The following MARCHF3 variants were observed in gnomAD, a reference collection of about 807,000 sequenced individuals.
MARCHF3 encodes E3 ubiquitin-protein ligase MARCHF3.
A neutral mutation model predicts 24.2 loss-of-function variants in MARCHF3; 13 were observed. The observed-to-expected ratio is 0.54, with a 90% CI of 0.35 to 0.85. The LOEUF is 0.85. Among genes scored for constraint, MARCHF3 ranks in the 40% least tolerant of loss-of-function variants. The probability of loss-of-function intolerance (pLI) is 0.01; values close to 1 mark genes in which losing one functional copy is unlikely to be tolerated. For synonymous variants in MARCHF3, 144 were observed against 137.3 expected (o/e 1.05, Z -0.34); for missense variants, 276 against 325.0 (o/e 0.85, Z 1.16).
intron 3 of MARCHF3, among the ~76,000 whole-genome samples, chr5:126,908,490 TC>T (rs1421913748): frequency 2.6e-5 from 4 of 152,334 alleles, no homozygotes; most frequent in African/African-American, 9.6e-5. Flanking sequence ...TTTCACATAG[TC>T]CCATATTTCT....
chr5:126,907,531 T>C (rs1362849521), intron 3 of MARCHF3, among the ~76,000 whole-genome samples: 3 of 152,056 alleles, frequency 2.0e-5, no homozygotes, highest in African/African-American at 4.8e-5. Flanking sequence ...ATATTTAGGA[T>C]AGTTAGCTCT....
At chr5:126,933,590 G>A (rs764624528) in intron 1 of MARCHF3, among the ~76,000 whole-genome samples, 16 of 151,814 alleles carry the variant, frequency 1.1e-4, no homozygotes, top group South Asian at 2.1e-4. Flanking sequence ...GACTACAGGC[G>A]CCCACCACCA....
rs147682825 is a variant in MARCHF3 at position 126,989,307 on chromosome 5, GTAC to G, written c.-57+41040_-57+41042del. On this transcript the variant is annotated intron_variant, in intron 1 of 4. Transcript: ENST00000308660. The stretch of plus-strand genomic sequence containing the variant: ...AATACTACTACTACTACTACTACTA[GTAC>G]TACTACTACTACTACTACTACTACT... 5.5e-3 allele frequency among the ~76,000 whole-genome samples: 815 copies of G among 149,242 alleles called. 5 individuals carry two copies. The highest frequency in any genetic ancestry group is 0.025 in the South Asian group (120 of 4,732).
intron 1 of MARCHF3, among the ~76,000 whole-genome samples, chr5:126,941,925 G>A (rs191308717): frequency 1.2e-3 from 179 of 152,300 alleles, no homozygotes; most frequent in African/African-American, 4.1e-3. Flanking sequence ...AAGCAGCGCT[G>A]GGCAGTATGC....
intron 1 of MARCHF3, among the ~76,000 whole-genome samples, chr5:126,953,077 C>G (rs976291203): frequency 1.3e-5 from 2 of 152,102 alleles, no homozygotes; most frequent in African/African-American, 4.8e-5. Context: ...TAGTATATTC[C>G]ACAAGCTGCT....
intron 1 of MARCHF3, among the ~76,000 whole-genome samples, chr5:126,969,175 C>A (rs924905171): frequency 4.6e-5 from 7 of 152,134 alleles, no homozygotes; most frequent in African/African-American, 1.7e-4. Context: ...TTATGTACTT[C>A]TAAGGTACAA....
At chr5:127,019,010 CA>C (rs2126862333) in intron 1 of MARCHF3, among the ~76,000 whole-genome samples, 1 of 152,188 alleles carries the variant, frequency 6.6e-6, no homozygotes, top group South Asian at 2.1e-4. Context: ...GCCTATACTG[CA>C]AAATAATATG....
intron 1 of MARCHF3, among the ~76,000 whole-genome samples, chr5:127,001,438 A>C (rs915492187): frequency 6.6e-6 from 1 of 152,166 alleles, no homozygotes; most frequent in African/African-American, 2.4e-5. Context: ...GTCATCTGTA[A>C]AACAACAGAA....
At chr5:127,007,949 C>T (rs1467029311) in intron 1 of MARCHF3, among the ~76,000 whole-genome samples, 1 of 151,908 alleles carries the variant, frequency 6.6e-6, no homozygotes, top group Non-Finnish European at 1.5e-5. Flanking sequence ...ATGCTACAGA[C>T]ATGAGGGAAC....
At chr5:127,001,232 C>T (rs372708578) in intron 1 of MARCHF3, among the ~76,000 whole-genome samples, 4 of 148,036 alleles carry the variant, frequency 2.7e-5, no homozygotes, top group East Asian at 2.0e-4. Flanking sequence ...AGCGAGACTT[C>T]GTCTAAAAAA....
At chr5:126,892,200 G>T (rs1434540791) in intron 3 of MARCHF3, among the ~76,000 whole-genome samples, 1 of 140,158 alleles carries the variant, frequency 7.1e-6, no homozygotes, top group Admixed American at 7.3e-5. Context: ...TGAGGCAATG[G>T]GGTTTTCTAG....
At chr5:126,939,629 A>G (rs1275449381) in intron 1 of MARCHF3, among the ~76,000 whole-genome samples, 1 of 152,232 alleles carries the variant, frequency 6.6e-6, no homozygotes, top group Non-Finnish European at 1.5e-5. Context: ...TAAACCCTGA[A>G]TCTAAGACTT....
intron 4 of MARCHF3, among the ~76,000 whole-genome samples, chr5:126,871,800 G>A (rs984893502): frequency 4.6e-5 from 7 of 151,680 alleles, no homozygotes; most frequent in African/African-American, 9.7e-5. Flanking sequence ...TCTGCCTCAC[G>A]GGTTCAAGCG....
intron 4 of MARCHF3, among the ~76,000 whole-genome samples, chr5:126,875,595 C>T (rs1439464062): frequency 6.6e-6 from 1 of 152,260 alleles, no homozygotes; most frequent in Non-Finnish European, 1.5e-5. Context: ...CCGCTCAGCA[C>T]AGCATTTATC....
chr5:126,875,818 C>T (rs2126766067), intron 4 of MARCHF3, among the ~76,000 whole-genome samples: 1 of 152,362 alleles, frequency 6.6e-6, no homozygotes, highest in Non-Finnish European at 1.5e-5. Flanking sequence ...TGTATGTTCT[C>T]AGACGTTATC....
At chr5:126,957,289 T>C (rs1177455441) in intron 1 of MARCHF3, among the ~76,000 whole-genome samples, 1 of 152,224 alleles carries the variant, frequency 6.6e-6, no homozygotes, top group Non-Finnish European at 1.5e-5. Context: ...AGTAACCTTT[T>C]GTCACATATG....
chr5:126,878,434 G>A (rs1753242815), intron 3 of MARCHF3, 40 bp from the exon 4 acceptor site: 3 of 1,569,766 alleles, frequency 1.9e-6, no homozygotes, highest in Non-Finnish European at 1.7e-6. Context: ...AAGGGAGAGG[G>A]TTAAATGCCA....
chr5:127,002,280 C>T (rs1251721231), intron 1 of MARCHF3, among the ~76,000 whole-genome samples: 1 of 152,194 alleles, frequency 6.6e-6, no homozygotes, highest in African/African-American at 2.4e-5. Flanking sequence ...TATCAGAACA[C>T]TAAGCAGTAG....
chr5:126,935,467 C>G (rs944821265), intron 1 of MARCHF3, among the ~76,000 whole-genome samples: 1 of 152,088 alleles, frequency 6.6e-6, no homozygotes, highest in Non-Finnish European at 1.5e-5. Context: ...AGAACCACAT[C>G]AGTGGCTCTC....
Sources: allele counts gnomAD v4.1 joint callset (sites outside exome capture counted in the v4.1 genomes callset), GRCh38; gene constraint gnomAD v4.1.1; transcripts MANE v1.5; gene names NCBI Gene and HGNC (gene_info 2026-07-23, HGNC 2026-07-21).